Variants in WBP4 observed in about 807,000 individuals in gnomAD.
WBP4 encodes the protein WW domain binding protein 4.
WBP4 carries 37 observed loss-of-function variants against 55.4 expected under a neutral mutation model. That is an observed-to-expected ratio of 0.67 (90% confidence interval 0.51 to 0.88). The LOEUF is 0.88. Ranked by LOEUF, WBP4 falls within the 40% of genes least tolerant of loss-of-function variation. WBP4 has a pLI of 0.00. For synonymous variants in WBP4, 142 were observed against 140.2 expected (o/e 1.01, Z -0.09); for missense variants, 398 against 420.8 (o/e 0.95, Z 0.47).
At chr13:41,069,382 G>T (rs920283179) in intron 5 of WBP4, among the ~76,000 whole-genome samples, 4 of 152,054 alleles carry the variant, frequency 2.6e-5, no homozygotes, top group African/African-American at 7.2e-5. Context: ...ACAAAATTAG[G>T]CTAGGCGCGG....
chr13:41,062,471 C>T (rs943067922), intron 1 of WBP4, among the ~76,000 whole-genome samples, 173 bp from the exon 2 acceptor site: 1 of 152,122 alleles, frequency 6.6e-6, no homozygotes, highest in Non-Finnish European at 1.5e-5. Flanking sequence ...CCGCTGGCAA[C>T]AGAATTTCAA....
At chr13:41,062,495 A>G (rs1233626403) in intron 1 of WBP4, 149 bp from the exon 2 acceptor site, 2 of 748,416 alleles carry the variant, frequency 2.7e-6, no homozygotes, top group African/African-American at 3.5e-5. Context: ...ACTGTGCTCC[A>G]ACCAGATAAA....
In WBP4 at chr13:41,071,566, T is replaced by TA; in HGVS notation, c.485dup (p.Thr163AspfsTer13). 1 of 1,609,484 alleles carries TA rather than the reference T, an allele frequency of 6.2e-7. No homozygotes were observed. The highest frequency in any genetic ancestry group is 8.5e-7 in the Non-Finnish European group (1 of 1,177,720). On this transcript the variant is annotated frameshift_variant, in exon 6 of 10. Coordinates refer to ENST00000379487, the MANE Select transcript of WBP4 (RefSeq NM_007187.5). LOFTEE classifies it high-confidence loss of function. Reference sequence around the variant, plus strand: ...AAACCTGAAGGATTTCAAGGAGACTTAAAAAAGGTAATTGAAGCATATTAA... The same window carrying TA: ...AAACCTGAAGGATTTCAAGGAGACTTAAAAAAAGGTAATTGAAGCATATTAA...
At chr13:41,080,597 C>T (rs773339630) in intron 8 of WBP4, 49 bp from the exon 9 acceptor site, 1 of 1,411,554 alleles carries the variant, frequency 7.1e-7, no homozygotes, top group Admixed American at 2.4e-5. Context: ...TTATTTTTGT[C>T]TTGGTAGTTT....
chr13:41,080,523 G>A, intron 8 of WBP4, 123 bp from the exon 9 acceptor site: 2 of 706,100 alleles, frequency 2.8e-6, no homozygotes, highest in Non-Finnish European at 4.6e-6. Context: ...TGTGTTATGT[G>A]CAGATTTGAG....
chr13:41,072,582 CCT>C (rs1878295191), intron 6 of WBP4, among the ~76,000 whole-genome samples, 198 bp from the exon 7 acceptor site: 1 of 152,198 alleles, frequency 6.6e-6, no homozygotes, highest in Non-Finnish European at 1.5e-5. Flanking sequence ...AGAAACCACC[CCT>C]GTGATGCAGT....
chr13:41,067,501 G>A (rs955410397), intron 4 of WBP4, among the ~76,000 whole-genome samples: 1 of 152,104 alleles, frequency 6.6e-6, no homozygotes, highest in African/African-American at 2.4e-5. Context: ...GCAAGATGGT[G>A]AGACCCCACC....
intron 5 of WBP4, 116 bp downstream of exon 5, chr13:41,068,853 G>A (rs1482661299): frequency 8.5e-7 from 1 of 1,176,342 alleles, no homozygotes; most frequent in Non-Finnish European, 1.1e-6. Flanking sequence ...TGAAAGACCG[G>A]TTTTTCATTT....
At chr13:41,061,729 T>C (rs570109695) in intron 1 of WBP4, 54 bp downstream of exon 1, 4 of 1,611,856 alleles carry the variant, frequency 2.5e-6, no homozygotes, top group African/African-American at 1.3e-5. Context: ...TGGGCCGCCC[T>C]TTCTCGCCCG....
chr13:41,062,096 G>GTTTTTTTTTTTTTTTTTT, intron 1 of WBP4: 7 of 805,540 alleles, frequency 8.7e-6, no homozygotes, highest in Non-Finnish European at 9.8e-6. Flanking sequence ...TAGCGTAATG[G>GTTTTTTTTTTTTTTTTTT]TTTTTTTTTT....
intron 4 of WBP4, among the ~76,000 whole-genome samples, chr13:41,067,547 T>A (rs1230520398): frequency 6.6e-6 from 1 of 152,032 alleles, no homozygotes; most frequent in Non-Finnish European, 1.5e-5. Context: ...TTAACTGGGC[T>A]TGGTGGTGCG....
At chr13:41,071,631 AG>A in intron 6 of WBP4, 58 bp downstream of exon 6, 1 of 1,498,060 alleles carries the variant, frequency 6.7e-7, no homozygotes, top group East Asian at 2.3e-5. Flanking sequence ...TTCGTTTCTT[AG>A]GTTTTTGTAG....
intron 7 of WBP4, among the ~76,000 whole-genome samples, chr13:41,075,086 A>G (rs1878420209): frequency 6.6e-6 from 1 of 152,198 alleles, no homozygotes; most frequent in South Asian, 2.1e-4. Context: ...AAGGTGCTGT[A>G]TATATTGGTT....
Position 41,068,740 on chromosome 13 carries a change from A to G in WBP4, c.439+3A>G. The G allele has an allele frequency of 1.3e-6, 2 of 1,571,056 alleles. No individual in the cohort carries two copies. Among genetic ancestry groups the G allele is most frequent in the Non-Finnish European group, 1.7e-6 (2 of 1,160,182 alleles). On this transcript the variant is annotated splice_donor_region_variant and intron_variant, in intron 5 of 9. Coordinates refer to ENST00000379487, the MANE Select transcript of WBP4 (RefSeq NM_007187.5). The stretch of plus-strand genomic sequence containing the variant: ...CTATTATGATCTTATCTCAGGAGGT[A>G]AGTCATTTAGGCATAAAACTGGTAA...
At chr13:41,080,113 T>C (rs1349787734) in intron 8 of WBP4, among the ~76,000 whole-genome samples, 1 of 152,178 alleles carries the variant, frequency 6.6e-6, no homozygotes, top group Non-Finnish European at 1.5e-5. Context: ...TTGGGTTTGT[T>C]CACTGTTCAG....
intron 9 of WBP4, 90 bp from the exon 10 acceptor site, chr13:41,082,614 G>A: frequency 1.7e-6 from 2 of 1,208,772 alleles, no homozygotes; most frequent in Non-Finnish European, 2.3e-6. Context: ...AACTTCTAAT[G>A]TCATTAGAAA....
chr13:41,065,593 C>T (rs1218293120), intron 4 of WBP4, among the ~76,000 whole-genome samples: 1 of 152,054 alleles, frequency 6.6e-6, no homozygotes, highest in Non-Finnish European at 1.5e-5. Flanking sequence ...TTTAGGTATT[C>T]TAGTTATTTG....
chr13:41,072,928 A>G lies in WBP4; in HGVS notation c.562+71A>G, dbSNP rs1878315916. 4.7e-6 allele frequency: 6 copies of G among 1,268,740 alleles called. No individual in the cohort carries two copies. In the East Asian group the frequency reaches 1.4e-4, roughly 30 times the overall value. 78.6% of individuals were successfully genotyped at this position (1,268,740 alleles called of 1,614,324 possible). A position where few individuals can be genotyped will look rare whatever the true frequency, so the allele number is the denominator to read the frequency against. On this transcript the variant is annotated intron_variant, in intron 7 of 9. Transcript: ENST00000379487. ...GAACTGCTTATTGGCCTGCTGATTA[A>G]TCATCTGAACTTGGAAATTTTAGTA...
chr13:41,074,353 T>C (rs1385091709), intron 7 of WBP4, among the ~76,000 whole-genome samples: 1 of 152,236 alleles, frequency 6.6e-6, no homozygotes, highest in Non-Finnish European at 1.5e-5. Context: ...ATTCCTGTTA[T>C]CATTAGCTCA....
Sources: allele counts gnomAD v4.1 joint callset (sites outside exome capture counted in the v4.1 genomes callset), GRCh38; gene constraint gnomAD v4.1.1; transcripts MANE v1.5; gene names NCBI Gene and HGNC (gene_info 2026-07-23, HGNC 2026-07-21).